Variants in VWA8 observed in about 807,000 individuals in gnomAD.
The protein encoded by VWA8 is von Willebrand factor A domain containing 8, also known as von Willebrand factor A domain-containing protein 8.
Under a neutral mutation model 241.5 loss-of-function variants are expected in VWA8, and 221 were observed. The observed-to-expected ratio is 0.91, with a 90% confidence interval of 0.82 to 1.02. VWA8 has a LOEUF of 1.02. Among genes scored for constraint, VWA8 ranks in the 50% least tolerant of loss-of-function variants. VWA8 has a pLI of 0.00. For missense variants in VWA8, 2,322 were observed against 2,328.7 expected (o/e 1.00, Z 0.06); for synonymous variants, 852 against 827.1 (o/e 1.03, Z -0.52).
chr13:41,640,108 C>T (rs749142746), intron 37 of VWA8, among the ~76,000 whole-genome samples: 5 of 152,146 alleles, frequency 3.3e-5, no homozygotes, highest in Non-Finnish European at 7.3e-5. Flanking sequence ...CTCCCTCCCC[C>T]GCTCCTATTC....
intron 37 of VWA8, among the ~76,000 whole-genome samples, chr13:41,645,660 C>T (rs544670415): frequency 6.6e-6 from 1 of 152,258 alleles, no homozygotes; most frequent in Admixed American, 6.5e-5. Context: ...AGTATCATGA[C>T]TGTTCCATGA....
intron 15 of VWA8, among the ~76,000 whole-genome samples, chr13:41,818,725 T>C (rs1177997171): frequency 6.6e-6 from 1 of 152,134 alleles, no homozygotes; most frequent in Non-Finnish European, 1.5e-5. Flanking sequence ...ATCAGGCAAG[T>C]ACAGGATATG....
chr13:41,623,401 G>C (rs1388788805), intron 37 of VWA8, among the ~76,000 whole-genome samples: 1 of 152,126 alleles, frequency 6.6e-6, no homozygotes, highest in African/African-American at 2.4e-5. Flanking sequence ...TGTCCTTATA[G>C]TTAAGCCATT....
chr13:41,717,322 A>T (rs1164554850), intron 26 of VWA8, among the ~76,000 whole-genome samples: 2 of 151,654 alleles, frequency 1.3e-5, no homozygotes, highest in Non-Finnish European at 2.9e-5. Context: ...CAAATATTTT[A>T]AAATATTTTT....
chr13:41,799,755 CTTTTT>C (rs1196928565), intron 17 of VWA8, among the ~76,000 whole-genome samples: 2 of 152,142 alleles, frequency 1.3e-5, no homozygotes, highest in Non-Finnish European at 2.9e-5. Context: ...ATTTCTTCTT[CTTTTT>C]AAGTATTAGC....
intron 16 of VWA8, 45 bp downstream of exon 16, chr13:41,816,653 A>G (rs1038093939): frequency 1.3e-6 from 2 of 1,530,938 alleles, no homozygotes; most frequent in South Asian, 1.2e-5. Flanking sequence ...GAAAACCAGC[A>G]GCATGTCAAC....
At chr13:41,655,001 C>T (rs942602147) in intron 37 of VWA8, among the ~76,000 whole-genome samples, 1 of 152,030 alleles carries the variant, frequency 6.6e-6, no homozygotes. Flanking sequence ...GTGGGTTACA[C>T]ATTAATGCTA....
At chr13:41,590,350 T>C (rs986725213) in intron 41 of VWA8, among the ~76,000 whole-genome samples, 21 of 152,132 alleles carry the variant, frequency 1.4e-4, no homozygotes, top group African/African-American at 5.1e-4. Flanking sequence ...TTTTTGATTT[T>C]CCTAAACCCC....
chr13:41,575,668 C>T, intron 43 of VWA8, 72 bp downstream of exon 43: 1 of 1,109,850 alleles, frequency 9.0e-7, no homozygotes, highest in Non-Finnish European at 1.3e-6. Context: ...GCTGCTGCTT[C>T]AATGAATCCT....
At chr13:41,883,164 C>T (rs186942767) in intron 9 of VWA8, among the ~76,000 whole-genome samples, 2 of 152,280 alleles carry the variant, frequency 1.3e-5, no homozygotes, top group Admixed American at 1.3e-4. Context: ...CTCCCAATCA[C>T]ACCAGCCCCT....
rs1163538197 is a variant in VWA8 at position 41,611,576 on chromosome 13, C to T, written c.4877G>A (p.Arg1626Lys). 6 of 1,613,798 alleles carry T rather than the reference C, an allele frequency of 3.7e-6. No homozygotes were observed. The Admixed American group carries it at 1.0e-4, about 27-fold the overall frequency. The change falls in exon 39 of 45, where the codon AGG becomes AAG. Residue 1626 changes from arginine (R) to lysine (K), a missense_variant and splice_region_variant. By Grantham distance (26) the Arg-to-Lys change is conservative. Coordinates refer to ENST00000379310, the MANE Select transcript of VWA8 (RefSeq NM_015058.2). ...GTCTAAATGTGATGGGAGCACTGACCTCTGCTGGAATGCTCTCTGGCCCAT... is the reference window on the plus strand; with the variant it reads ...GTCTAAATGTGATGGGAGCACTGACTTCTGCTGGAATGCTCTCTGGCCCAT... ...REMGQRAFQQ[R>K]LKEIQMSEYD... is the part of the protein sequence containing the mutation.
chr13:41,693,880 C>T (rs2045195748), intron 29 of VWA8, among the ~76,000 whole-genome samples: 1 of 151,858 alleles, frequency 6.6e-6, no homozygotes, highest in Non-Finnish European at 1.5e-5. Flanking sequence ...TTTGTCAGAC[C>T]TCATTGTTAT....
chr13:41,712,924 T>C (rs1013219972), intron 26 of VWA8, among the ~76,000 whole-genome samples: 3 of 152,382 alleles, frequency 2.0e-5, no homozygotes, highest in Middle Eastern at 3.4e-3. Flanking sequence ...TCAACTATTT[T>C]TATTTTTGCT....
intron 37 of VWA8, among the ~76,000 whole-genome samples, chr13:41,670,288 T>C (rs1161600609): frequency 6.6e-6 from 1 of 151,618 alleles, no homozygotes; most frequent in Non-Finnish European, 1.5e-5. Flanking sequence ...TATGGGCATA[T>C]AGCCTTCCTC....
chr13:41,839,266 CAT>C (rs1198223474), intron 12 of VWA8, among the ~76,000 whole-genome samples: 2 of 152,098 alleles, frequency 1.3e-5, no homozygotes, highest in Admixed American at 6.5e-5. Flanking sequence ...AGCTTTTTTT[CAT>C]ATGTCTGTTG....
Position 41,833,542 on chromosome 13 carries a change from TC to T in VWA8, c.1426-12del, listed in dbSNP as rs757206261. On this transcript the variant is annotated splice_polypyrimidine_tract_variant and intron_variant, in intron 12 of 44. Transcript: ENST00000379310. ...ACGCGCTGTCATATCCTAAAACAAA[TC>T]CCCACCACCCAACAAAGAACATGAC... 5.7e-6 allele frequency: 9 copies of T among 1,591,308 alleles called. No individual in the cohort carries two copies. Among genetic ancestry groups the T allele is most frequent in the Admixed American group, 1.8e-5 (1 of 55,334 alleles).
At position 41,699,111 on chromosome 13, in the gene VWA8, C is replaced by T. The variant is rs775819103; in HGVS notation, c.3524G>A (p.Gly1175Glu). Residue 1175 changes from glycine to glutamate, a missense_variant, in exon 29 of 45, where the codon GGA becomes GAA. Transcript: ENST00000379310. The part of the protein sequence containing the change: ...WHPFVTVAPL[G>E]SPLKGQVVLH... Reference sequence around the variant, plus strand: ...AACCACTTGACCTTTGAGAGGACTTCCCAGCGGTGCCACTGTCACAAAAGG... The same window carrying T: ...AACCACTTGACCTTTGAGAGGACTTTCCAGCGGTGCCACTGTCACAAAAGG... 4 of 1,613,904 alleles carry T rather than the reference C, an allele frequency of 2.5e-6. No individual in the cohort carries two copies. Among genetic ancestry groups the T allele is most frequent in the Non-Finnish European group, 3.4e-6 (4 of 1,179,932 alleles).
At chr13:41,941,187 T>C (rs1303969462) in intron 2 of VWA8, among the ~76,000 whole-genome samples, 2 of 152,208 alleles carry the variant, frequency 1.3e-5, no homozygotes, top group African/African-American at 2.4e-5. Context: ...CCTATGCTTT[T>C]AAAGTGTGTA....
At position 41,833,427 on chromosome 13, in the gene VWA8, C is replaced by G. The variant is rs368488500; in HGVS notation, c.1530G>C (p.Leu510=). 1 of 1,613,892 alleles carries G rather than the reference C, an allele frequency of 6.2e-7. No individual in the cohort carries two copies. The highest frequency in any genetic ancestry group is 2.2e-5 in the East Asian group (1 of 44,890). ...CCCGGTGAATGCCATCCAGCAGGAC[C>G]AGCTTGCCTTCCAGAGCAGCATTCA... is the stretch of plus-strand genomic sequence containing the variant. ...PLVNAALEGK[L]VLLDGIHRVN... is the part of the protein sequence containing the mutation. Residue 510 remains leucine (L), a synonymous_variant, in exon 13 of 45, where the codon CTG becomes CTC. Transcript: ENST00000379310.
Sources: gnomAD v4.1 joint callset for allele counts (sites outside exome capture counted in the v4.1 genomes callset) on GRCh38, gnomAD v4.1.1 for gene constraint, MANE v1.5 for transcripts, NCBI Gene and HGNC (gene_info 2026-07-23, HGNC 2026-07-21) for gene names.